The following TRIM44 variants were observed in gnomAD, a reference collection of about 807,000 sequenced individuals.
TRIM44 encodes tripartite motif containing 44.
In TRIM44, 13 loss-of-function variants were observed where a neutral mutation model predicts 37.4. That is an observed-to-expected ratio of 0.35 (90% CI 0.23 to 0.55). The LOEUF is 0.55. TRIM44 is among the 20% of genes least tolerant of loss of function. The pLI, the probability that TRIM44 is intolerant of heterozygous loss-of-function variation, is 0.89. For synonymous variants in TRIM44, 175 were observed against 157.2 expected (o/e 1.11, Z -0.85); for missense variants, 426 against 437.2 (o/e 0.97, Z 0.23).
intron 1 of TRIM44, among the ~76,000 whole-genome samples, chr11:35,680,874 G>A (rs192332108): frequency 6.6e-6 from 1 of 152,158 alleles, no homozygotes; most frequent in Admixed American, 6.5e-5. Flanking sequence ...TGCATGTTTT[G>A]ATGTGTTTGC....
chr11:35,698,277 T>G (rs1253738868), intron 2 of TRIM44, among the ~76,000 whole-genome samples: 2 of 137,774 alleles, frequency 1.5e-5, no homozygotes, highest in Non-Finnish European at 3.1e-5. Flanking sequence ...GCAGCATGAT[T>G]TATAATCCTT....
Position 35,806,408 on chromosome 11 carries a change from A to G in TRIM44, c.*23A>G, listed in dbSNP as rs61881297. 251,866 of 1,612,164 alleles carry G rather than the reference A, an allele frequency of 0.16. 20,909 individuals are homozygous for G. The highest frequency in any genetic ancestry group is 0.17 in the Non-Finnish European group (197,931 of 1,178,408). ...TGAAGGCTTGCTACCCCCAGTGGAA[A>G]ATCATCCCCTCCCCTTGTGTGTATG... On this transcript the variant is annotated 3_prime_UTR_variant, in exon 5 of 5. Transcript: ENST00000299413.
chr11:35,768,796 T>C (rs752835058), intron 4 of TRIM44, among the ~76,000 whole-genome samples: 3 of 152,128 alleles, frequency 2.0e-5, no homozygotes, highest in Non-Finnish European at 4.4e-5. Context: ...CTGAAGCTCA[T>C]GGGGAGGGTA....
chr11:35,709,207 A>G (rs1851935172), intron 2 of TRIM44, among the ~76,000 whole-genome samples: 1 of 152,144 alleles, frequency 6.6e-6, no homozygotes, highest in Non-Finnish European at 1.5e-5. Context: ...TTTATTCAGA[A>G]CATTCTACTG....
At chr11:35,790,277 A>T (rs1009025598) in intron 4 of TRIM44, among the ~76,000 whole-genome samples, 5 of 152,214 alleles carry the variant, frequency 3.3e-5, no homozygotes, top group African/African-American at 9.6e-5. Context: ...CTGAACTGTA[A>T]GGAACCTTCT....
intron 4 of TRIM44, among the ~76,000 whole-genome samples, chr11:35,775,674 C>T (rs1852946881): frequency 6.6e-6 from 1 of 152,158 alleles, no homozygotes; most frequent in Non-Finnish European, 1.5e-5. Context: ...GAGTTTTTAG[C>T]ATAAAGTGCT....
chr11:35,755,905 T>G (rs1323399171), intron 4 of TRIM44, among the ~76,000 whole-genome samples: 1 of 152,198 alleles, frequency 6.6e-6, no homozygotes, highest in Non-Finnish European at 1.5e-5. Context: ...TTGGTTACTG[T>G]AGCCTTGTAG....
In TRIM44 at chr11:35,675,198, T is replaced by C. The variant is rs142747860; in HGVS notation, c.670-10061T>C. On this transcript the variant is annotated intron_variant, in intron 1 of 4. Transcript: ENST00000299413. Reference sequence around the variant, plus strand: ...AACATGAAGTATGTGATAGGAAGTGTAATAATCTTGTCTAGTTCCAGGGCA... The same window carrying C: ...AACATGAAGTATGTGATAGGAAGTGCAATAATCTTGTCTAGTTCCAGGGCA... Among the ~76,000 whole-genome samples, 324 of 152,352 alleles carry C rather than the reference T, an allele frequency of 2.1e-3. 1 individual carries two copies. The highest frequency in any genetic ancestry group is 3.6e-3 in the Non-Finnish European group (242 of 68,036).
chr11:35,732,463 A>C (rs1468115356), intron 3 of TRIM44, among the ~76,000 whole-genome samples: 1 of 152,216 alleles, frequency 6.6e-6, no homozygotes, highest in African/African-American at 2.4e-5. Flanking sequence ...TTAATCTTAA[A>C]GCTTACCTAT....
chr11:35,726,218 C>T, intron 3 of TRIM44, 55 bp downstream of exon 3: 2 of 1,595,692 alleles, frequency 1.3e-6, no homozygotes, highest in South Asian at 2.3e-5. Context: ...GAAACTGATG[C>T]CATATTTGTT....
chr11:35,755,075 A>G (rs1852616207), intron 4 of TRIM44, among the ~76,000 whole-genome samples: 1 of 152,072 alleles, frequency 6.6e-6, no homozygotes, highest in Non-Finnish European at 1.5e-5. Context: ...CTGAGGAATC[A>G]CCACACTGAC....
Position 35,725,930 on chromosome 11 carries a change from C to G in TRIM44, c.754C>G (p.Arg252Gly). ...ATTTGTCTCTGTTCTAAAGGTAACT[C>G]GGGACCAAATGAAGATGTTTATACA... ...KFKSSDPKVT[R>G]DQMKMFIQQE... Residue 252 changes from arginine to glycine, a missense_variant, in exon 3 of 5, where the codon CGG becomes GGG. Coordinates refer to ENST00000299413, the MANE Select transcript of TRIM44 (RefSeq NM_017583.6). 1.9e-6 allele frequency: 3 copies of G among 1,613,714 alleles called. No homozygotes were observed. The highest frequency in any genetic ancestry group is 2.5e-6 in the Non-Finnish European group (3 of 1,179,860).
chr11:35,765,574 GT>G (rs970798829), intron 4 of TRIM44, among the ~76,000 whole-genome samples: 2 of 152,184 alleles, frequency 1.3e-5, no homozygotes, highest in African/African-American at 4.8e-5. Flanking sequence ...AGGGGAAAGT[GT>G]GCATTGCCTC....
intron 4 of TRIM44, among the ~76,000 whole-genome samples, chr11:35,780,513 T>C (rs1853048854): frequency 6.6e-6 from 1 of 152,184 alleles, no homozygotes; most frequent in Admixed American, 6.5e-5. Flanking sequence ...TTTAGAGCCT[T>C]AAGGACAGGC....
intron 2 of TRIM44, among the ~76,000 whole-genome samples, chr11:35,711,597 T>TA (rs924573098): frequency 8.6e-5 from 13 of 150,854 alleles, no homozygotes; most frequent in South Asian, 8.4e-4. Context: ...TACTAAAAAT[T>TA]AAAAAAAAAT....
chr11:35,798,578 G>A lies in TRIM44; in HGVS notation c.1008-7780G>A, dbSNP rs192544712. On this transcript the variant is annotated intron_variant, in intron 4 of 4. Coordinates refer to ENST00000299413, the MANE Select transcript of TRIM44 (RefSeq NM_017583.6). Reference sequence around the variant, plus strand: ...AAATGCAAACATGCCTTTGGACCCAGGAGGAAACTCCTGGGAATTTTTCTT... The same window carrying A: ...AAATGCAAACATGCCTTTGGACCCAAGAGGAAACTCCTGGGAATTTTTCTT... Among the ~76,000 whole-genome samples, 119 of 152,236 alleles carry A rather than the reference G, an allele frequency of 7.8e-4. 1 individual carries two copies. Among genetic ancestry groups the A allele is most frequent in the African/African-American group, 2.8e-3 (115 of 41,532 alleles).
At chr11:35,707,098 AC>A (rs1851896115) in intron 2 of TRIM44, among the ~76,000 whole-genome samples, 1 of 152,190 alleles carries the variant, frequency 6.6e-6, no homozygotes, top group Non-Finnish European at 1.5e-5. Context: ...CAAAAATCAC[AC>A]GCATTCTTAT....
intron 2 of TRIM44, among the ~76,000 whole-genome samples, chr11:35,695,889 CTT>C (rs34010461): frequency 4.3e-4 from 60 of 139,962 alleles, no homozygotes; most frequent in Admixed American, 5.7e-4. Context: ...GAAGATTAAA[CTT>C]TTTTTTTTTT....
At chr11:35,767,493 C>T (rs1332354155) in intron 4 of TRIM44, among the ~76,000 whole-genome samples, 1 of 151,904 alleles carries the variant, frequency 6.6e-6, no homozygotes, top group Admixed American at 6.6e-5. Context: ...GGAGGTGCTG[C>T]CAGCTCTTTT....
Sources: gnomAD v4.1 joint callset for allele counts (sites outside exome capture counted in the v4.1 genomes callset) on GRCh38, gnomAD v4.1.1 for gene constraint, MANE v1.5 for transcripts, NCBI Gene and HGNC (gene_info 2026-07-23, HGNC 2026-07-21) for gene names.